The following UNC80 variants were observed in gnomAD, a reference collection of about 807,000 sequenced individuals.
UNC80 encodes the protein protein unc-80 homolog.
UNC80 carries 164 observed loss-of-function variants against 384.6 expected under a neutral mutation model. The observed-to-expected ratio is 0.43, with a 90% CI of 0.38 to 0.49. The LOEUF is 0.49. UNC80 is among the 20% of genes least tolerant of loss of function. The pLI, the probability that UNC80 is intolerant of heterozygous loss-of-function variation, is 0.00. For missense variants in UNC80, 3,330 were observed against 4,143.0 expected (o/e 0.80, Z 5.39); for synonymous variants, 1,486 against 1,527.8 (o/e 0.97, Z 0.64).
At chr2:209,929,310 G>A (rs1443331715) in intron 36 of UNC80, among the ~76,000 whole-genome samples, 3 of 152,042 alleles carry the variant, frequency 2.0e-5, no homozygotes, top group Non-Finnish European at 4.4e-5. Context: ...CACAGAAATA[G>A]CACTTTCTTT....
chr2:209,809,473 C>T (rs2079175702), intron 7 of UNC80: 2 of 1,404,682 alleles, frequency 1.4e-6, no homozygotes. Context: ...CCTCCAGACC[C>T]ACTTGGACGT....
chr2:209,978,552 A>G lies in UNC80; in HGVS notation c.8962A>G (p.Ser2988Gly). 5 of 1,549,902 alleles carry G rather than the reference A, an allele frequency of 3.2e-6. No homozygotes were observed. Among genetic ancestry groups the G allele is most frequent in the South Asian group, 2.4e-5 (2 of 83,856 alleles). Residue 2988 changes from serine to glycine, a missense_variant, in exon 59 of 65, where the codon AGT (serine) becomes GGT (glycine). Coordinates refer to ENST00000673920, the MANE Select transcript of UNC80 (RefSeq NM_001371986.1). The part of the protein sequence containing the change: ...GSAYQGKTSI[S>G]TVGTSTSAYR... ...AGCCTACCAAGGCAAGACATCCATC[A>G]GTACCGTGGGCACCTCCACCTCTGC...
intron 61 of UNC80, among the ~76,000 whole-genome samples, chr2:209,985,631 T>C (rs992448143): frequency 1.3e-5 from 2 of 152,226 alleles, no homozygotes; most frequent in Admixed American, 1.3e-4. Context: ...GACTGCACCT[T>C]TAACACTCAG....
chr2:209,970,087 C>G, intron 53 of UNC80, 196 bp downstream of exon 53: 5 of 644,376 alleles, frequency 7.8e-6, no homozygotes, highest in Non-Finnish European at 1.3e-5. Context: ...CATCCCTACA[C>G]AGAAGGGATT....
In UNC80 at chr2:209,976,081, C is replaced by T. The variant is rs1313955652; in HGVS notation, c.8588-38C>T. On this transcript the variant is annotated intron_variant, in intron 56 of 64. Transcript: ENST00000673920. This position sits in a 1 kb window ranked among gnomAD's most constrained non-coding sequence, Gnocchi z 4.3. ...GTAGGTTGGGTTCCTCGGAAGCACA[C>T]GTCCGCAGGCTCATTTTTCTCTTTT... 21 of 1,528,922 alleles carry T rather than the reference C, an allele frequency of 1.4e-5. No individual in the cohort carries two copies. Among genetic ancestry groups the T allele is most frequent in the South Asian group, 9.8e-5 (8 of 81,910 alleles). 94.7% of individuals were successfully genotyped at this position (1,528,922 alleles called of 1,614,324 possible).
At chr2:209,886,627 T>C (rs1020919881) in intron 25 of UNC80, among the ~76,000 whole-genome samples, 4 of 152,148 alleles carry the variant, frequency 2.6e-5, no homozygotes, top group Non-Finnish European at 5.9e-5. Context: ...GTCATACTTA[T>C]ATCCTCTTAG....
At position 209,970,928 on chromosome 2, in the gene UNC80, GT is replaced by G. The variant is rs1559416315; in HGVS notation, c.8229del (p.Val2744SerfsTer4). On this transcript the variant is annotated frameshift_variant, in exon 54 of 65. Transcript: ENST00000673920. LOFTEE classifies it high-confidence loss of function. ...LSPPLPFSTA[V>X]VRLVALQIQA... ...ACCACCTCTGCCCTTCAGCACAGCT[GT>G]TGTCCGGCTTGTAGCATTGCAGATA... The G allele has an allele frequency of 6.4e-7, 1 of 1,551,928 alleles. No homozygotes were observed. The highest frequency in any genetic ancestry group is 8.7e-7 in the Non-Finnish European group (1 of 1,147,006).
intron 16 of UNC80, among the ~76,000 whole-genome samples, chr2:209,832,601 A>G (rs2081053032): frequency 6.6e-6 from 1 of 152,196 alleles, no homozygotes; most frequent in South Asian, 2.1e-4. Context: ...ATCCCAAACT[A>G]AAGGAGTTGA....
chr2:209,844,244 A>C (rs1298304030), intron 21 of UNC80, among the ~76,000 whole-genome samples: 1 of 152,164 alleles, frequency 6.6e-6, no homozygotes, highest in Non-Finnish European at 1.5e-5. Context: ...TGCTAACTGG[A>C]TGTCATTTGA....
chr2:209,978,451 C>A, intron 58 of UNC80, 78 bp from the exon 59 acceptor site: 1 of 1,247,890 alleles, frequency 8.0e-7, no homozygotes, highest in Non-Finnish European at 1.1e-6. Context: ...CTAAAAAATA[C>A]AAGTGGTCAG....
At chr2:209,817,999 T>C (rs1167934330) in intron 11 of UNC80, 47 bp downstream of exon 11, 15 of 1,546,218 alleles carry the variant, frequency 9.7e-6, no homozygotes, top group Non-Finnish European at 1.2e-5. Flanking sequence ...AGTTCTTTTT[T>C]TGTTTTCTGT....
intron 23 of UNC80, among the ~76,000 whole-genome samples, chr2:209,875,107 GAAA>G (rs2084662878): frequency 6.6e-6 from 1 of 152,116 alleles, no homozygotes; most frequent in Admixed American, 6.5e-5. Flanking sequence ...CACTGTCAGT[GAAA>G]AGATCTTCCT....
rs552773905 is a variant in UNC80 at position 209,814,448 on chromosome 2, G to A, written c.1200+607G>A. Among the ~76,000 whole-genome samples the A allele has an allele frequency of 5.9e-5, 9 of 152,136 alleles. No homozygotes were observed. In the South Asian group the frequency reaches 1.0e-3, roughly 18 times the overall value. ...TTTTCAGTAGAGACAGGGTTTCACCGTGTTAGCCAGGATTGTCTCGATCTC... is the reference window on the plus strand; with the variant it reads ...TTTTCAGTAGAGACAGGGTTTCACCATGTTAGCCAGGATTGTCTCGATCTC... On this transcript the variant is annotated intron_variant, in intron 8 of 64. Transcript: ENST00000673920.
chr2:209,910,083 C>T (rs1300813174), intron 29 of UNC80, among the ~76,000 whole-genome samples: 1 of 151,108 alleles, frequency 6.6e-6, no homozygotes, highest in Non-Finnish European at 1.5e-5. Flanking sequence ...AAGCAGGGAA[C>T]TGTAGAGAAA....
chr2:209,943,571 G>GT, intron 45 of UNC80, 57 bp downstream of exon 45: 1 of 1,541,816 alleles, frequency 6.5e-7, no homozygotes, highest in East Asian at 2.4e-5. Context: ...AAAAGCAAAG[G>GT]TTATTTATTA....
chr2:209,910,984 T>C (rs1443490214), intron 29 of UNC80, among the ~76,000 whole-genome samples: 1 of 152,114 alleles, frequency 6.6e-6, no homozygotes, highest in Non-Finnish European at 1.5e-5. Flanking sequence ...TATTAGTCTG[T>C]TCTCATGCTG....
intron 48 of UNC80, 99 bp downstream of exon 48, chr2:209,954,369 C>A: frequency 8.0e-7 from 1 of 1,254,464 alleles, no homozygotes; most frequent in South Asian, 2.1e-5. Context: ...ATCTAAAACC[C>A]AATCTTTATT....
At chr2:209,849,844 A>AGACT (rs2082398537) in intron 22 of UNC80, among the ~76,000 whole-genome samples, 1 of 152,150 alleles carries the variant, frequency 6.6e-6, no homozygotes. Flanking sequence ...CTCTGGAATC[A>AGACT]GACTGACTGA....
intron 4 of UNC80, among the ~76,000 whole-genome samples, chr2:209,782,525 G>A (rs536560730): frequency 1.3e-5 from 2 of 151,382 alleles, no homozygotes; most frequent in East Asian, 3.9e-4. Context: ...ATCCCTTTAT[G>A]TGGCTTTCTC....
Sources: gnomAD v4.1 joint callset for allele counts (sites outside exome capture counted in the v4.1 genomes callset) on GRCh38, gnomAD v4.1.1 for gene constraint, Gnocchi (gnomAD v3.1) non-coding constraint, MANE v1.5 for transcripts, NCBI Gene and HGNC (gene_info 2026-07-23, HGNC 2026-07-21) for gene names.